CHTOP: variants seen among roughly 807,000 people sequenced by gnomAD.
The protein encoded by CHTOP is chromatin target of PRMT1.
In CHTOP, 18 loss-of-function variants were observed where a neutral mutation model predicts 33.6. The observed-to-expected ratio is 0.54, with a 90% CI of 0.37 to 0.80. CHTOP has a LOEUF of 0.80. Ranked by LOEUF, CHTOP falls within the 30% of genes least tolerant of loss-of-function variation. CHTOP has a pLI of 0.00. For missense variants in CHTOP, 263 were observed against 336.8 expected (o/e 0.78, Z 1.71); for synonymous variants, 117 against 127.7 (o/e 0.92, Z 0.56).
chr1:153,636,840 A>T (rs959063470), intron 2 of CHTOP, 187 bp downstream of exon 2: 4 of 572,092 alleles, frequency 7.0e-6, no homozygotes, highest in African/African-American at 5.6e-5. Context: ...CCTTATCAGT[A>T]GACTTTTATG....
At chr1:153,638,126 G>A (rs1361775768) in intron 2 of CHTOP, 169 bp from the exon 3 acceptor site, 6 of 647,382 alleles carry the variant, frequency 9.3e-6, no homozygotes, top group African/African-American at 9.2e-5. Flanking sequence ...ATTCTTGCAA[G>A]TTTGTGGAAA....
rs1208588973 is a variant in CHTOP, at chr1:153,634,190, C to G, written c.-171C>G. On this transcript the variant is annotated 5_prime_UTR_variant, in exon 1 of 6. Coordinates refer to ENST00000368694, the MANE Select transcript of CHTOP (RefSeq NM_015607.4). ...TAGACAGCCAACCAGCAACAACGAACTGAGCTCGCATACTACCGCTTACGC... is the reference window on the plus strand; with the variant it reads ...TAGACAGCCAACCAGCAACAACGAAGTGAGCTCGCATACTACCGCTTACGC... 6.5e-6 allele frequency: 1 copy of G among 152,808 alleles called. No individual in the cohort carries two copies. The highest frequency in any genetic ancestry group is 1.5e-5 in the Non-Finnish European group (1 of 68,120). The allele number at this position is 152,808 out of a possible 1,614,324, so 9.5% of individuals were successfully genotyped here.
chr1:153,641,303 G>A (rs1196786054), intron 3 of CHTOP, among the ~76,000 whole-genome samples: 1 of 152,218 alleles, frequency 6.6e-6, no homozygotes, highest in Non-Finnish European at 1.5e-5. Flanking sequence ...GGACAGCCAG[G>A]CTTACTAGGA....
At chr1:153,639,123 C>T (rs1220401859) in intron 3 of CHTOP, among the ~76,000 whole-genome samples, 3 of 152,076 alleles carry the variant, frequency 2.0e-5, no homozygotes, top group African/African-American at 7.2e-5. Context: ...CCTCGTGATC[C>T]ACCCGCCTCG....
chr1:153,642,979 A>G lies in CHTOP; in HGVS notation c.404-248A>G, dbSNP rs757808062. On this transcript the variant is annotated intron_variant, in intron 4 of 5. Coordinates refer to ENST00000368694, the MANE Select transcript of CHTOP (RefSeq NM_015607.4). ...AGGCATCTATCTGATTATTCAGTAG[A>G]TATTTATTAAATGTATGTACTTACT... The G allele has an allele frequency of 3.9e-5, 19 of 492,038 alleles. 1 individual carries two copies. The highest frequency in any genetic ancestry group is 3.3e-4 in the South Asian group (16 of 47,776). 30.5% of individuals were successfully genotyped at this position (492,038 alleles called of 1,614,324 possible).
intron 4 of CHTOP, 120 bp downstream of exon 4, chr1:153,642,549 C>A (rs994164536): frequency 6.8e-6 from 5 of 733,110 alleles, no homozygotes; most frequent in Non-Finnish European, 1.1e-5. Context: ...ATAATAACTT[C>A]TGAAATCACA....
chr1:153,642,839 C>T (rs1047016890), intron 4 of CHTOP: 2 of 258,326 alleles, frequency 7.7e-6, no homozygotes, highest in Non-Finnish European at 1.5e-5. Context: ...CAGCACTTAC[C>T]TATATATGTT....
chr1:153,639,466 A>T (rs1332818816), intron 3 of CHTOP: 33 of 890,198 alleles, frequency 3.7e-5, no homozygotes, highest in Non-Finnish European at 4.2e-5. Flanking sequence ...GGGCTTTGGT[A>T]GCATTGCATG....
intron 2 of CHTOP, chr1:153,637,045 G>A (rs1345923008): frequency 5.9e-6 from 1 of 169,916 alleles, no homozygotes; most frequent in Non-Finnish European, 1.3e-5. Context: ...AGCAAGCCAT[G>A]AATATGTCCA....
At position 153,645,331 on chromosome 1, in the gene CHTOP, A is replaced by T; in HGVS notation, c.*62A>T. ...CAACACATCTGTAAATAACCTTGAG[A>T]TAACAGATGAGAAGAAATCTGATTG... On this transcript the variant is annotated 3_prime_UTR_variant, in exon 6 of 6. Coordinates refer to ENST00000368694, the MANE Select transcript of CHTOP (RefSeq NM_015607.4). The T allele has an allele frequency of 1.3e-6, 2 of 1,506,030 alleles. No individual in the cohort carries two copies. The highest frequency in any genetic ancestry group is 9.1e-7 in the Non-Finnish European group (1 of 1,095,102). 93.3% of individuals were successfully genotyped at this position (1,506,030 alleles called of 1,614,324 possible). A position where few individuals can be genotyped will look rare whatever the true frequency, so the allele number is the denominator to read the frequency against.
intron 1 of CHTOP, among the ~76,000 whole-genome samples, chr1:153,635,427 C>T (rs1473987283): frequency 6.6e-6 from 1 of 151,462 alleles, no homozygotes; most frequent in African/African-American, 2.4e-5. Context: ...GCTGAGATTA[C>T]AGGCGTGAAG....
rs1272675826 is a variant in CHTOP, at chr1:153,645,098, T to C, written c.576T>C (p.Phe192=). ...RGMIGRGRGG[F]GGRGRGRGRG... ...TGATAGGTCGGGGAAGAGGGGGCTT[T>C]GGAGGCCGAGGCCGAGGCCGTGGAC... The change falls in exon 6 of 6, where the codon TTT becomes TTC. Residue 192 remains phenylalanine, a synonymous_variant. Coordinates refer to ENST00000368694, the MANE Select transcript of CHTOP (RefSeq NM_015607.4). The C allele has an allele frequency of 6.3e-7, 1 of 1,596,216 alleles. No individual in the cohort carries two copies. Among genetic ancestry groups the C allele is most frequent in the Non-Finnish European group, 8.5e-7 (1 of 1,169,722 alleles).
chr1:153,635,863 T>C (rs905027593), intron 1 of CHTOP, among the ~76,000 whole-genome samples: 3 of 151,918 alleles, frequency 2.0e-5, no homozygotes, highest in African/African-American at 7.3e-5. Context: ...GATTGCTAGA[T>C]TGGCTTCTGC....
At chr1:153,640,181 G>C (rs1026784765) in intron 3 of CHTOP, among the ~76,000 whole-genome samples, 2 of 152,186 alleles carry the variant, frequency 1.3e-5, no homozygotes, top group African/African-American at 4.8e-5. Flanking sequence ...CAATTAAGGA[G>C]CTTAATTTTT....
chr1:153,642,947 T>C (rs765679317), intron 4 of CHTOP: 63 of 416,438 alleles, frequency 1.5e-4, no homozygotes, highest in Non-Finnish European at 2.7e-4. Flanking sequence ...AAATTTACCA[T>C]AATGCTAGGC....
In CHTOP at chr1:153,645,658, G is replaced by C. The variant is rs770668632; in HGVS notation, c.*389G>C. The C allele has an allele frequency of 5.4e-6, 1 of 185,686 alleles. No homozygotes were observed. The highest frequency in any genetic ancestry group is 1.1e-5 in the Non-Finnish European group (1 of 89,598). The allele number at this position is 185,686 out of a possible 1,614,324, so 11.5% of individuals were successfully genotyped here. ...TTTGTTCATCCCTGTTGCCCCCACA[G>C]AAACATCCCAGAAAAACCGGTCAGT... On this transcript the variant is annotated 3_prime_UTR_variant, in exon 6 of 6. Coordinates refer to ENST00000368694, the MANE Select transcript of CHTOP (RefSeq NM_015607.4).
At chr1:153,636,290 G>A (rs1013299283) in intron 1 of CHTOP, among the ~76,000 whole-genome samples, 6 of 151,244 alleles carry the variant, frequency 4.0e-5, no homozygotes, top group Admixed American at 6.6e-5. Context: ...TTTGCTGGGC[G>A]TTGGGTCCCA....
chr1:153,634,974 C>T (rs1453875536), intron 1 of CHTOP, among the ~76,000 whole-genome samples: 1 of 152,064 alleles, frequency 6.6e-6, no homozygotes, highest in African/African-American at 2.4e-5. Context: ...CTGCCTCAGC[C>T]TCCGGAGTAG....
chr1:153,639,127 C>T (rs915750192), intron 3 of CHTOP, among the ~76,000 whole-genome samples: 4 of 152,132 alleles, frequency 2.6e-5, no homozygotes, highest in African/African-American at 4.8e-5. Flanking sequence ...GTGATCCACC[C>T]GCCTCGGCCT....
Sources: allele counts gnomAD v4.1 joint callset (sites outside exome capture counted in the v4.1 genomes callset), GRCh38; gene constraint gnomAD v4.1.1; transcripts MANE v1.5; gene names NCBI Gene and HGNC (gene_info 2026-07-23, HGNC 2026-07-21).